The following RAB22A variants were observed in gnomAD, a reference collection of about 807,000 sequenced individuals.
RAB22A encodes the protein ras-related protein Rab-22A.
RAB22A carries 13 observed loss-of-function variants against 30.2 expected under a neutral mutation model. The observed-to-expected ratio is 0.43, with a 90% confidence interval of 0.28 to 0.68. The LOEUF (loss-of-function observed/expected upper bound fraction) is 0.68, where lower values mean the gene tolerates loss of function less well. Ranked by LOEUF, RAB22A falls within the 30% of genes least tolerant of loss-of-function variation. The pLI, the probability that RAB22A is intolerant of heterozygous loss-of-function variation, is 0.18. For missense variants in RAB22A, 177 were observed against 246.8 expected (o/e 0.72, Z 1.89); for synonymous variants, 89 against 87.2 (o/e 1.02, Z -0.11).
At position 58,309,834 on chromosome 20, in the gene RAB22A, C is replaced by G; in HGVS notation, c.-143C>G. The G allele has an allele frequency of 1.3e-6, 1 of 762,980 alleles. No individual in the cohort carries two copies. Among genetic ancestry groups the G allele is most frequent in the Non-Finnish European group, 1.8e-6 (1 of 555,998 alleles). The allele number at this position is 762,980 out of a possible 1,614,324, so 47.3% of individuals were successfully genotyped here. ...GCAGCGGACAGGCCGGACCTACGGC[C>G]GGAGGACGGGCGGCAGCCGCCTCTG... On this transcript the variant is annotated 5_prime_UTR_variant, in exon 1 of 7. Transcript: ENST00000244040.
intron 2 of RAB22A, among the ~76,000 whole-genome samples, chr20:58,320,839 T>C (rs1224272065): frequency 6.6e-6 from 1 of 152,092 alleles, no homozygotes; most frequent in Non-Finnish European, 1.5e-5. Flanking sequence ...GTGGATCACT[T>C]GAAGTCAGGA....
chr20:58,338,664 C>T (rs761746082), intron 2 of RAB22A, among the ~76,000 whole-genome samples: 4 of 152,142 alleles, frequency 2.6e-5, no homozygotes, highest in Non-Finnish European at 5.9e-5. Context: ...GCCAAATGTG[C>T]GCTTAAATTC....
intron 3 of RAB22A, among the ~76,000 whole-genome samples, chr20:58,350,867 T>C (rs192791544): frequency 7.4e-4 from 112 of 152,344 alleles, no homozygotes; most frequent in African/African-American, 2.6e-3. Flanking sequence ...TCTTCAATTA[T>C]TCAAAAGTTA....
intron 6 of RAB22A, among the ~76,000 whole-genome samples, chr20:58,355,842 A>G (rs1001673698): frequency 2.0e-5 from 3 of 152,030 alleles, no homozygotes; most frequent in Non-Finnish European, 4.4e-5. Context: ...AACAAAAATC[A>G]TGTTTATTGT....
intron 2 of RAB22A, among the ~76,000 whole-genome samples, chr20:58,324,881 A>C (rs1197106943): frequency 7.2e-6 from 1 of 138,910 alleles, no homozygotes; most frequent in Non-Finnish European, 1.6e-5. Context: ...AAAAAAAAAA[A>C]AAAAAAACTG....
At chr20:58,314,053 CTT>C (rs3069356) in intron 2 of RAB22A, among the ~76,000 whole-genome samples, 3 of 145,842 alleles carry the variant, frequency 2.1e-5, no homozygotes, top group Non-Finnish European at 3.0e-5. Context: ...TATTCTTTTT[CTT>C]TTTTTTTTTT....
In RAB22A at chr20:58,309,728, G is replaced by T; in HGVS notation, c.-249G>T. ...GGCGGGGAGGTCAGGTGACGCGGCC[G>T]GCGTCCCAAGATGGCGGCGGCGGCG... On this transcript the variant is annotated 5_prime_UTR_variant, in exon 1 of 7. Transcript: ENST00000244040. 1 of 222,682 alleles carries T rather than the reference G, an allele frequency of 4.5e-6. No homozygotes were observed. The highest frequency in any genetic ancestry group is 1.7e-4 in the South Asian group (1 of 5,822). 13.8% of individuals were successfully genotyped at this position (222,682 alleles called of 1,614,324 possible). A position where few individuals can be genotyped will look rare whatever the true frequency, so the allele number is the denominator to read the frequency against.
At chr20:58,335,939 A>T (rs545129906) in intron 2 of RAB22A, among the ~76,000 whole-genome samples, 4 of 151,752 alleles carry the variant, frequency 2.6e-5, no homozygotes, top group Non-Finnish European at 5.9e-5. Context: ...TGCCCATCCT[A>T]TCTTTGTCCA....
chr20:58,343,798 G>A lies in RAB22A; in HGVS notation c.197G>A (p.Arg66Gln), dbSNP rs1986898457. Residue 66 changes from arginine (R) to glutamine (Q), a missense_variant and splice_region_variant, in exon 3 of 7, where the codon CGA (arginine) becomes CAA (glutamine). Coordinates refer to ENST00000244040, the MANE Select transcript of RAB22A (RefSeq NM_020673.3). Reference protein sequence around the residue: ...FLIWDTAGQERFRALAPMYYR... With the variant: ...FLIWDTAGQEQFRALAPMYYR... ...ATCTGGGATACAGCTGGACAAGAACGAGTAAGTCACTCTTTAATTTACTCT... is the reference window on the plus strand; with the variant it reads ...ATCTGGGATACAGCTGGACAAGAACAAGTAAGTCACTCTTTAATTTACTCT... The A allele has an allele frequency of 3.8e-6, 6 of 1,597,434 alleles. No homozygotes were observed. The highest frequency in any genetic ancestry group is 1.1e-5 in the South Asian group (1 of 90,652).
Position 58,333,105 on chromosome 20 carries a change from C to A in RAB22A, c.117-10613C>A, listed in dbSNP as rs991449055. On this transcript the variant is annotated intron_variant, in intron 2 of 6. Coordinates refer to ENST00000244040, the MANE Select transcript of RAB22A (RefSeq NM_020673.3). ...ACCCAGCCTGGCCAATATGGTAAAA[C>A]CCTGTCTCTACTAAAAATACAAAAA... Among the ~76,000 whole-genome samples the A allele has an allele frequency of 2.0e-5, 3 of 151,964 alleles. No homozygotes were observed. The South Asian group carries it at 6.2e-4, about 32-fold the overall frequency.
intron 1 of RAB22A, 142 bp downstream of exon 1, chr20:58,310,154 G>A: frequency 1.2e-6 from 1 of 867,722 alleles, no homozygotes; most frequent in Non-Finnish European, 1.5e-6. Context: ...CCTCCAGCTC[G>A]GGAGCCGTCC....
At chr20:58,329,353 G>A (rs1280315577) in intron 2 of RAB22A, among the ~76,000 whole-genome samples, 2 of 152,098 alleles carry the variant, frequency 1.3e-5, no homozygotes, top group Admixed American at 6.5e-5. Flanking sequence ...GCACCTGGCT[G>A]CATACTCACT....
intron 2 of RAB22A, among the ~76,000 whole-genome samples, chr20:58,332,482 G>C (rs1476440320): frequency 6.6e-6 from 1 of 152,158 alleles, no homozygotes; most frequent in East Asian, 1.9e-4. Flanking sequence ...TAAAAATCTT[G>C]ATCTGATTCA....
chr20:58,341,745 A>G (rs1033254945), intron 2 of RAB22A, among the ~76,000 whole-genome samples: 24 of 152,188 alleles, frequency 1.6e-4, no homozygotes, highest in African/African-American at 5.6e-4. Flanking sequence ...TTAAAGGTAA[A>G]TGCTTGGCAG....
intron 2 of RAB22A, among the ~76,000 whole-genome samples, chr20:58,339,767 G>A (rs1038815409): frequency 6.6e-6 from 1 of 152,112 alleles, no homozygotes; most frequent in Non-Finnish European, 1.5e-5. Context: ...TCACCATGTT[G>A]GGCAGGAAGG....
chr20:58,343,153 G>A (rs1013608328), intron 2 of RAB22A, among the ~76,000 whole-genome samples: 4 of 152,108 alleles, frequency 2.6e-5, no homozygotes, highest in Admixed American at 2.0e-4. Flanking sequence ...GCAGGTGGTC[G>A]TCAGGGGCAC....
intron 1 of RAB22A, among the ~76,000 whole-genome samples, chr20:58,310,312 TTAAA>T (rs1466378656): frequency 2.0e-5 from 3 of 152,124 alleles, no homozygotes; most frequent in Non-Finnish European, 4.4e-5. Context: ...AGAGAGGTTC[TTAAA>T]TAGTTTTCTC....
At chr20:58,321,440 C>T (rs1242942132) in intron 2 of RAB22A, among the ~76,000 whole-genome samples, 9 of 152,012 alleles carry the variant, frequency 5.9e-5, no homozygotes, top group Non-Finnish European at 8.8e-5. Context: ...CATTTGTTTC[C>T]TAGCCTAAGA....
chr20:58,339,076 TAAAGA>T (rs1201265390), intron 2 of RAB22A, among the ~76,000 whole-genome samples: 1 of 152,212 alleles, frequency 6.6e-6, no homozygotes, highest in Non-Finnish European at 1.5e-5. Context: ...CTACTGCAGT[TAAAGA>T]AAAGAAATGT....
Sources: gnomAD v4.1 joint callset for allele counts (sites outside exome capture counted in the v4.1 genomes callset) on GRCh38, gnomAD v4.1.1 for gene constraint, MANE v1.5 for transcripts, NCBI Gene and HGNC (gene_info 2026-07-23, HGNC 2026-07-21) for gene names.